Variants in APBB2 observed in about 807,000 individuals in gnomAD.
APBB2 encodes amyloid beta precursor protein binding family B member 2.
Under a neutral mutation model 82.5 loss-of-function variants are expected in APBB2, and 38 were observed. That is an observed-to-expected ratio of 0.46 (90% CI 0.36 to 0.60). The LOEUF (loss-of-function observed/expected upper bound fraction) is 0.60. Ranked by LOEUF, APBB2 falls within the 20% of genes least tolerant of loss-of-function variation. The pLI, the probability that APBB2 is intolerant of heterozygous loss-of-function variation, is 0.00. For missense variants in APBB2, 772 were observed against 972.3 expected, an observed-to-expected ratio of 0.79 and a Z score of 2.74; for synonymous variants, 341 against 368.2, an observed-to-expected ratio of 0.93 and a Z score of 0.85.
At chr4:40,984,787 C>G (rs1199539552) in intron 6 of APBB2, among the ~76,000 whole-genome samples, 1 of 151,864 alleles carries the variant, frequency 6.6e-6, no homozygotes, top group Non-Finnish European at 1.5e-5. Flanking sequence ...GCTGACATAC[C>G]CCAGTTCTCA....
intron 6 of APBB2, among the ~76,000 whole-genome samples, chr4:40,986,964 T>C (rs1280148284): frequency 6.6e-6 from 1 of 152,220 alleles, no homozygotes; most frequent in Admixed American, 6.5e-5. Context: ...AAGAGAGTGC[T>C]ATTCTCATCA....
At chr4:41,143,308 T>C (rs1759760797) in intron 1 of APBB2, among the ~76,000 whole-genome samples, 166 bp from the exon 2 acceptor site, 1 of 152,234 alleles carries the variant, frequency 6.6e-6, no homozygotes, top group South Asian at 2.1e-4. Flanking sequence ...AAGTGTGGGC[T>C]ATTCTGAGGG....
At chr4:40,986,497 A>G (rs1800453458) in intron 6 of APBB2, among the ~76,000 whole-genome samples, 1 of 152,232 alleles carries the variant, frequency 6.6e-6, no homozygotes, top group Admixed American at 6.5e-5. Flanking sequence ...ATGCACACAT[A>G]CTCATTTGCC....
chr4:40,853,128 G>A (rs768445004), intron 12 of APBB2, among the ~76,000 whole-genome samples: 4 of 152,128 alleles, frequency 2.6e-5, no homozygotes, highest in African/African-American at 4.8e-5. Context: ...AACTTGGCGA[G>A]TTCAACCTCC....
intron 12 of APBB2, chr4:40,879,992 G>T (rs1303466835): frequency 2.5e-5 from 25 of 984,918 alleles, no homozygotes; most frequent in Non-Finnish European, 2.9e-5. Context: ...GCACCCAGCA[G>T]ACCCAGGACA....
At position 41,067,973 on chromosome 4, in the gene APBB2, G is replaced by C. The variant is rs974100749; in HGVS notation, c.-148-2300C>G. ...GTCTAAGGGGGAAGAGGTAAAGATGGCCTGAGATCTCAAAAGAGGTGGGCC... is the reference window on the plus strand; with the variant it reads ...GTCTAAGGGGGAAGAGGTAAAGATGCCCTGAGATCTCAAAAGAGGTGGGCC... On this transcript the variant is annotated intron_variant, in intron 3 of 17. Coordinates refer to ENST00000508593, the MANE Select transcript of APBB2 (RefSeq NM_004307.2). Among the ~76,000 whole-genome samples, 5 of 152,270 alleles carry C rather than the reference G, an allele frequency of 3.3e-5. No individual in the cohort carries two copies. In the South Asian group the frequency reaches 1.0e-3, roughly 32 times the overall value.
At chr4:41,075,011 T>A (rs1319241370) in intron 3 of APBB2, among the ~76,000 whole-genome samples, 1 of 152,058 alleles carries the variant, frequency 6.6e-6, no homozygotes, top group Non-Finnish European at 1.5e-5. Flanking sequence ...CACGTGTCTG[T>A]AGTCCCAGCT....
intron 3 of APBB2, among the ~76,000 whole-genome samples, chr4:41,097,101 G>C (rs905377401): frequency 3.9e-5 from 6 of 152,282 alleles, no homozygotes; most frequent in South Asian, 2.1e-4. Context: ...TTTCATCTGA[G>C]CTATTTGGAG....
At chr4:40,948,390 G>C (rs1184602940) in intron 6 of APBB2, among the ~76,000 whole-genome samples, 1 of 152,084 alleles carries the variant, frequency 6.6e-6, no homozygotes, top group African/African-American at 2.4e-5. Flanking sequence ...TCGAGACACA[G>C]CGAGGCCCCG....
At position 40,815,945 on chromosome 4, in the gene APBB2, A is replaced by G; in HGVS notation, c.*147T>C. 1.2e-6 allele frequency: 1 copy of G among 864,910 alleles called. No individual in the cohort carries two copies. Among genetic ancestry groups the G allele is most frequent in the Non-Finnish European group, 1.8e-6 (1 of 552,174 alleles). The allele number at this position is 864,910 out of a possible 1,614,324, so 53.6% of individuals were successfully genotyped here. A position where few individuals can be genotyped will look rare whatever the true frequency, so the allele number is the denominator to read the frequency against. On this transcript the variant is annotated 3_prime_UTR_variant, in exon 18 of 18. Transcript: ENST00000508593. ...CATGATGGTGGCAAGACGAGAGAAC[A>G]TGCTTGTCTAACACTGCTTGGTTAA...
intron 6 of APBB2, among the ~76,000 whole-genome samples, chr4:40,971,818 G>A (rs1269823568): frequency 6.6e-6 from 1 of 152,120 alleles, no homozygotes; most frequent in African/African-American, 2.4e-5. Flanking sequence ...ATTAGTGAAA[G>A]TAATCCCTTA....
intron 12 of APBB2, among the ~76,000 whole-genome samples, chr4:40,838,136 CATTATTATTATTATTATTATT>C (rs68050698): frequency 6.9e-4 from 98 of 142,194 alleles, no homozygotes; most frequent in African/African-American, 2.5e-3. Context: ...TTCAAGTGGG[CATTATTATTATTATTATTATT>C]ATTATTATTA....
chr4:41,202,062 G>A lies in APBB2; in HGVS notation c.-417+12343C>T, dbSNP rs185818225. Among the ~76,000 whole-genome samples, 332 of 152,288 alleles carry A rather than the reference G, an allele frequency of 2.2e-3. 1 individual carries two copies. Among genetic ancestry groups the A allele is most frequent in the African/African-American group, 7.4e-3 (309 of 41,550 alleles). ...ATGCCCCCAGGAGCTTCAGTCTAGT[G>A]CAAATTAATTTCTCCTTGGAATTTT... is the stretch of plus-strand genomic sequence containing the variant. On this transcript the variant is annotated intron_variant, in intron 1 of 17. Coordinates refer to ENST00000508593, the MANE Select transcript of APBB2 (RefSeq NM_004307.2).
chr4:41,045,362 C>T (rs1432260311), intron 4 of APBB2, among the ~76,000 whole-genome samples: 8 of 152,036 alleles, frequency 5.3e-5, no homozygotes, highest in Admixed American at 1.3e-4. Context: ...GGCGTGATCT[C>T]GGCTCACTGC....
chr4:40,959,712 T>C (rs1180111443), intron 6 of APBB2, among the ~76,000 whole-genome samples: 1 of 152,210 alleles, frequency 6.6e-6, no homozygotes, highest in Non-Finnish European at 1.5e-5. Flanking sequence ...GGAACATTAT[T>C]ATACTACACT....
chr4:41,210,940 T>C (rs1180863097), intron 1 of APBB2, among the ~76,000 whole-genome samples: 2 of 152,184 alleles, frequency 1.3e-5, no homozygotes, highest in South Asian at 2.1e-4. Flanking sequence ...AAAACCTTAA[T>C]AGGATAATAG....
At chr4:41,166,038 T>C (rs1553973430) in intron 1 of APBB2, among the ~76,000 whole-genome samples, 1 of 151,846 alleles carries the variant, frequency 6.6e-6, no homozygotes, top group Non-Finnish European at 1.5e-5. Context: ...CACGCCCGGC[T>C]AATTTTTTTG....
At chr4:41,073,771 A>G (rs1387735553) in intron 3 of APBB2, among the ~76,000 whole-genome samples, 2 of 152,192 alleles carry the variant, frequency 1.3e-5, no homozygotes, top group Admixed American at 1.3e-4. Flanking sequence ...CATGAAAAAT[A>G]ATTAACAACA....
chr4:40,839,812 G>C (rs1755224667), intron 12 of APBB2, among the ~76,000 whole-genome samples: 1 of 152,070 alleles, frequency 6.6e-6, no homozygotes, highest in Non-Finnish European at 1.5e-5. Flanking sequence ...TTACAAGCGT[G>C]TGACACCATG....
Sources: allele counts gnomAD v4.1 joint callset (sites outside exome capture counted in the v4.1 genomes callset), GRCh38; gene constraint gnomAD v4.1.1; transcripts MANE v1.5; gene names NCBI Gene and HGNC (gene_info 2026-07-23, HGNC 2026-07-21).